SOX5: variants seen among roughly 807,000 people sequenced by gnomAD.
SOX5 encodes the protein transcription factor SOX-5.
SOX5 carries 9 observed loss-of-function variants against 92.0 expected under a neutral mutation model. The ratio of observed to expected loss-of-function variants is 0.10; its 90% CI spans 0.06 to 0.17. The LOEUF is 0.17. Among genes scored for constraint, SOX5 ranks in the 10% least tolerant of loss-of-function variants. The probability of loss-of-function intolerance (pLI) is 1.00; values close to 1 mark genes in which losing one functional copy is unlikely to be tolerated. For missense variants in SOX5, 642 were observed against 944.5 expected, an observed-to-expected ratio of 0.68 and a Z score of 4.20; for synonymous variants, 344 against 336.3, an observed-to-expected ratio of 1.02 and a Z score of -0.25.
intron 1 of SOX5, among the ~76,000 whole-genome samples, chr12:24,470,269 C>G (rs1411589872): frequency 6.6e-6 from 1 of 152,186 alleles, no homozygotes; most frequent in Non-Finnish European, 1.5e-5. Flanking sequence ...ATTACGACAT[C>G]AGCCTCAATC....
At chr12:24,425,263 T>C (rs1193998966) in intron 1 of SOX5, among the ~76,000 whole-genome samples, 3 of 152,338 alleles carry the variant, frequency 2.0e-5, no homozygotes, top group Admixed American at 6.5e-5. Context: ...TCATTAATCA[T>C]AGGTATAACA....
At position 23,799,782 on chromosome 12, in the gene SOX5, C is replaced by A. The variant is rs766286603; in HGVS notation, c.482-44058G>T. Among the ~76,000 whole-genome samples, 169 of 152,022 alleles carry A rather than the reference C, an allele frequency of 1.1e-3. 1 individual carries two copies. In the Middle Eastern group the frequency reaches 0.014, roughly 12 times the overall value. Reference sequence around the variant, plus strand: ...AAAATTACAGACAGTGTCCTAGAGGCAAGATTAAGCATACCATATTACAGA... The same window carrying A: ...AAAATTACAGACAGTGTCCTAGAGGAAAGATTAAGCATACCATATTACAGA... On this transcript the variant is annotated intron_variant, in intron 3 of 14. Transcript: ENST00000451604.
At chr12:23,782,242 T>A (rs1647440121) in intron 3 of SOX5, among the ~76,000 whole-genome samples, 1 of 152,104 alleles carries the variant, frequency 6.6e-6, no homozygotes, top group Non-Finnish European at 1.5e-5. Context: ...AGATAAGCTT[T>A]TACCTTGTGT....
In SOX5 at chr12:23,922,943, C is replaced by CTT. The variant is rs372074468; in HGVS notation, c.38+26619_38+26620dup. Among the ~76,000 whole-genome samples, 271 of 143,120 alleles carry CTT rather than the reference C, an allele frequency of 1.9e-3. 3 individuals carry two copies. Among genetic ancestry groups the CTT allele is most frequent in the African/African-American group, 5.1e-3 (199 of 39,050 alleles). 93.9% of individuals were successfully genotyped at this position (143,120 alleles called of 152,430 possible). On this transcript the variant is annotated intron_variant, in intron 1 of 14. Coordinates refer to ENST00000451604, the MANE Select transcript of SOX5 (RefSeq NM_006940.6). ...CTCAGTTAGTCAAGGGAAGCTCCTT[C>CTT]TTTTTTTTTTTTTTGTTTTTGAGAC...
chr12:24,276,739 T>C (rs1269237245), intron 3 of SOX5, among the ~76,000 whole-genome samples: 1 of 152,152 alleles, frequency 6.6e-6, no homozygotes, highest in Non-Finnish European at 1.5e-5. Flanking sequence ...AAAATATTTG[T>C]CTGGCTTCAG....
chr12:24,530,417 A>G (rs1442408099), intron 1 of SOX5, among the ~76,000 whole-genome samples: 1 of 152,200 alleles, frequency 6.6e-6, no homozygotes, highest in Non-Finnish European at 1.5e-5. Context: ...AGCTACATTT[A>G]TTTAAGCCAT....
At chr12:24,166,418 G>A (rs1403047679) in intron 4 of SOX5, among the ~76,000 whole-genome samples, 1 of 152,124 alleles carries the variant, frequency 6.6e-6, no homozygotes, top group East Asian at 1.9e-4. Context: ...CATATACGTT[G>A]ATAAATGAAA....
chr12:24,011,795 T>C (rs1314737738), intron 4 of SOX5, among the ~76,000 whole-genome samples: 1 of 152,162 alleles, frequency 6.6e-6, no homozygotes, highest in African/African-American at 2.4e-5. Flanking sequence ...ATTATCTTGG[T>C]CAACTTTTAA....
At chr12:23,575,952 A>ATCT in intron 9 of SOX5, 114 bp from the exon 10 acceptor site, 1 of 728,196 alleles carries the variant, frequency 1.4e-6, no homozygotes, top group South Asian at 2.1e-5. Flanking sequence ...CCAATCAGTG[A>ATCT]TCTTAACATT....
chr12:23,735,878 A>G (rs2093572591), intron 5 of SOX5, among the ~76,000 whole-genome samples: 1 of 152,082 alleles, frequency 6.6e-6, no homozygotes, highest in African/African-American at 2.4e-5. Context: ...ATATTTGTTT[A>G]TTTATTTGCT....
chr12:23,554,920 T>C (rs1944870080), intron 11 of SOX5, among the ~76,000 whole-genome samples: 1 of 152,080 alleles, frequency 6.6e-6, no homozygotes, highest in Non-Finnish European at 1.5e-5. Flanking sequence ...TAAGTAAGTG[T>C]CTTGAGGGCA....
chr12:24,326,547 C>T (rs1220647914), intron 2 of SOX5, among the ~76,000 whole-genome samples: 2 of 152,022 alleles, frequency 1.3e-5, no homozygotes, highest in Non-Finnish European at 2.9e-5. Context: ...ATTTTTTGAA[C>T]GAGGTTATGA....
In SOX5 at chr12:23,939,487, T is replaced by C. The variant is rs573678886; in HGVS notation, c.38+10077A>G. ...AATAAAAAAATCTACATCATAATTA[T>C]TCTGTAAAAAAAATTAATTTTAACA... On this transcript the variant is annotated intron_variant, in intron 1 of 14. Coordinates refer to ENST00000451604, the MANE Select transcript of SOX5 (RefSeq NM_006940.6). Among the ~76,000 whole-genome samples, 19 of 151,122 alleles carry C rather than the reference T, an allele frequency of 1.3e-4. No homozygotes were observed. In the East Asian group the frequency reaches 3.1e-3, roughly 25 times the overall value.
At chr12:23,963,667 C>CA (rs1230065585) in intron 4 of SOX5, among the ~76,000 whole-genome samples, 3 of 137,110 alleles carry the variant, frequency 2.2e-5, no homozygotes, top group African/African-American at 5.4e-5. Context: ...GAATGAAGTA[C>CA]AAAAAAATTG....
At chr12:24,539,957 T>G (rs1951971699) in intron 1 of SOX5, among the ~76,000 whole-genome samples, 1 of 152,150 alleles carries the variant, frequency 6.6e-6, no homozygotes, top group South Asian at 2.1e-4. Context: ...TACTTATAGT[T>G]TTGAAAACTG....
chr12:24,544,053 C>T (rs1256640557), intron 1 of SOX5, among the ~76,000 whole-genome samples: 2 of 152,186 alleles, frequency 1.3e-5, no homozygotes, highest in South Asian at 4.2e-4. Flanking sequence ...ATAATGCTAC[C>T]CGAAATGTAT....
At chr12:23,831,607 A>T (rs966129922) in intron 3 of SOX5, among the ~76,000 whole-genome samples, 5 of 152,096 alleles carry the variant, frequency 3.3e-5, no homozygotes, top group Admixed American at 6.6e-5. Flanking sequence ...AGTTCTCAGA[A>T]GAGAACTCTT....
intron 1 of SOX5, among the ~76,000 whole-genome samples, chr12:24,410,869 T>C (rs1394372383): frequency 1.3e-5 from 2 of 152,232 alleles, no homozygotes; most frequent in African/African-American, 4.8e-5. Context: ...GAGATTTTGA[T>C]AGTAATTGTG....
At chr12:24,199,672 C>A (rs542067738) in intron 4 of SOX5, among the ~76,000 whole-genome samples, 1 of 152,272 alleles carries the variant, frequency 6.6e-6, no homozygotes, top group Admixed American at 6.5e-5. Context: ...AGTACCTTGG[C>A]TCATGCTTAT....
Sources: gnomAD v4.1 joint callset for allele counts (sites outside exome capture counted in the v4.1 genomes callset) on GRCh38, gnomAD v4.1.1 for gene constraint, MANE v1.5 for transcripts, NCBI Gene and HGNC (gene_info 2026-07-23, HGNC 2026-07-21) for gene names.